SIPA1L1: variants seen among roughly 807,000 people sequenced by gnomAD.
SIPA1L1 encodes the protein signal-induced proliferation-associated 1-like protein 1.
In SIPA1L1, 26 loss-of-function variants were observed where a neutral mutation model predicts 162.7. The ratio of observed to expected loss-of-function variants is 0.16; its 90% CI spans 0.12 to 0.22. The LOEUF (loss-of-function observed/expected upper bound fraction) is 0.22. Among genes scored for constraint, SIPA1L1 ranks in the 10% least tolerant of loss-of-function variants. SIPA1L1 has a pLI of 1.00. For missense variants in SIPA1L1, 1,874 were observed against 2,241.0 expected (o/e 0.84, Z 3.31); for synonymous variants, 829 against 837.4 (o/e 0.99, Z 0.17).
intron 15 of SIPA1L1, 67 bp downstream of exon 15, chr14:71,702,572 T>C (rs776215276): frequency 6.9e-5 from 97 of 1,397,282 alleles, no homozygotes; most frequent in Non-Finnish European, 8.8e-5. Context: ...CTCTTGATGA[T>C]GTTATCAAAA....
intron 14 of SIPA1L1, among the ~76,000 whole-genome samples, chr14:71,699,372 T>A (rs1175432944): frequency 6.6e-6 from 1 of 152,240 alleles, no homozygotes; most frequent in East Asian, 1.9e-4. Flanking sequence ...CAAATTGCAT[T>A]AGTTTGTCCA....
intron 2 of SIPA1L1, among the ~76,000 whole-genome samples, chr14:71,347,161 G>A (rs1167816959): frequency 3.3e-5 from 5 of 150,628 alleles, no homozygotes; most frequent in South Asian, 4.2e-4. Context: ...GGGTATCACC[G>A]CGTTGGCCAG....
At chr14:71,613,412 A>AATGCTT (rs2038449996) in intron 5 of SIPA1L1, among the ~76,000 whole-genome samples, 1 of 152,044 alleles carries the variant, frequency 6.6e-6, no homozygotes, top group East Asian at 1.9e-4. Context: ...TACTTGGCAA[A>AATGCTT]ATGCTTTGCT....
At chr14:71,599,465 T>C (rs1408455310) in intron 5 of SIPA1L1, among the ~76,000 whole-genome samples, 2 of 151,270 alleles carry the variant, frequency 1.3e-5, no homozygotes, top group East Asian at 1.9e-4. Context: ...TCATTCTTTT[T>C]TTTTTTTTTT....
Position 71,588,848 on chromosome 14 carries a change from A to G in SIPA1L1, c.976A>G (p.Thr326Ala), listed in dbSNP as rs755937947. The part of the protein sequence containing the change: ...NRSEDSVRPW[T>A]CPKCFAHYDV... ...ATCAGAAGACTCTGTCAGGCCCTGG[A>G]CATGTCCAAAGTGCTTTGCCCACTA... The change falls in exon 5 of 24, where the codon ACA becomes GCA. Residue 326 changes from threonine (T) to alanine (A), a missense_variant. Physicochemically the swap from Thr to Ala is moderately conservative, Grantham distance 58. Transcript: ENST00000381232. The surrounding 1 kb of genome is among the most constrained non-coding windows in gnomAD (Gnocchi z 4.3). The G allele has an allele frequency of 3.1e-6, 5 of 1,614,138 alleles. No homozygotes were observed. In the Admixed American group the frequency reaches 6.7e-5, roughly 22 times the overall value.
intron 22 of SIPA1L1, among the ~76,000 whole-genome samples, chr14:71,736,056 A>C (rs886712466): frequency 2.0e-5 from 3 of 152,188 alleles, no homozygotes; most frequent in Non-Finnish European, 4.4e-5. Context: ...TTTAGTAAGC[A>C]CTTCTTGTTG....
At chr14:71,584,780 T>C (rs2034375245) in intron 4 of SIPA1L1, among the ~76,000 whole-genome samples, 1 of 152,226 alleles carries the variant, frequency 6.6e-6, no homozygotes, top group South Asian at 2.1e-4. Context: ...AAATTAAACA[T>C]GTAATAAGGA....
chr14:71,543,892 ATACG>A (rs1318901223), intron 4 of SIPA1L1, among the ~76,000 whole-genome samples: 1 of 113,278 alleles, frequency 8.8e-6, no homozygotes, highest in Non-Finnish European at 1.9e-5. Flanking sequence ...TACATATATC[ATACG>A]TATATGTGTG....
intron 12 of SIPA1L1, among the ~76,000 whole-genome samples, chr14:71,681,833 TAAAAGAG>T (rs1285165451): frequency 1.3e-5 from 2 of 152,178 alleles, no homozygotes; most frequent in African/African-American, 4.8e-5. Context: ...AAATAAAAGA[TAAAAGAG>T]AAAGAATACA....
At chr14:71,445,559 C>A (rs554915699) in intron 2 of SIPA1L1, among the ~76,000 whole-genome samples, 4 of 151,950 alleles carry the variant, frequency 2.6e-5, no homozygotes, top group Non-Finnish European at 4.4e-5. Context: ...TCTCTCAAAT[C>A]GGTTGTACTG....
chr14:71,608,733 A>G (rs1248749235), intron 5 of SIPA1L1, among the ~76,000 whole-genome samples: 1 of 152,096 alleles, frequency 6.6e-6, no homozygotes, highest in African/African-American at 2.4e-5. Flanking sequence ...CGTCTCTACT[A>G]AAAATACAGA....
intron 19 of SIPA1L1, among the ~76,000 whole-genome samples, chr14:71,729,234 C>G (rs191706488): frequency 2.0e-5 from 3 of 152,114 alleles, no homozygotes; most frequent in African/African-American, 7.2e-5. Context: ...CGGGGTTTCA[C>G]CATGTTGGCC....
chr14:71,458,614 C>G (rs553342795), intron 2 of SIPA1L1, among the ~76,000 whole-genome samples: 3 of 152,082 alleles, frequency 2.0e-5, no homozygotes, highest in Non-Finnish European at 4.4e-5. Context: ...TGAATTGATT[C>G]AACTATTTAA....
In SIPA1L1 at chr14:71,378,237, T is replaced by C. The variant is rs528447589; in HGVS notation, c.-465+57056T>C. ...TCATTTCAGTGACTTCTGTTTTCTG[T>C]TATTTTCTTCTTTCTATTTTGGGTT... On this transcript the variant is annotated intron_variant, in intron 2 of 23. Transcript: ENST00000381232. Among the ~76,000 whole-genome samples the C allele has an allele frequency of 5.9e-5, 9 of 152,246 alleles. 1 individual carries two copies. The South Asian group carries it at 1.9e-3, about 31-fold the overall frequency.
chr14:71,395,918 T>C (rs957768340), intron 2 of SIPA1L1, among the ~76,000 whole-genome samples: 3 of 152,204 alleles, frequency 2.0e-5, no homozygotes, highest in African/African-American at 7.2e-5. Context: ...AGCCACCGAG[T>C]AGTAACTTGC....
intron 4 of SIPA1L1, among the ~76,000 whole-genome samples, chr14:71,542,704 CCCTCCT>C (rs147003051): frequency 1.3e-3 from 137 of 105,860 alleles, no homozygotes; most frequent in South Asian, 4.3e-3. Context: ...TTCTCCTCCT[CCCTCCT>C]CCTCCTCCTC....
intron 2 of SIPA1L1, among the ~76,000 whole-genome samples, chr14:71,340,701 C>G (rs13379180): frequency 6.6e-6 from 1 of 152,018 alleles, no homozygotes; most frequent in Admixed American, 6.6e-5. Flanking sequence ...GTAGGCTTTA[C>G]TGAGAAAAAT....
intron 2 of SIPA1L1, among the ~76,000 whole-genome samples, chr14:71,440,233 C>G (rs1032546335): frequency 6.6e-6 from 1 of 152,048 alleles, no homozygotes; most frequent in South Asian, 2.1e-4. Context: ...CACCATGTTG[C>G]CCAGGCTGGT....
chr14:71,331,004 T>C (rs2034472833), intron 2 of SIPA1L1, among the ~76,000 whole-genome samples: 1 of 152,234 alleles, frequency 6.6e-6, no homozygotes, highest in African/African-American at 2.4e-5. Flanking sequence ...AGCTTTTTCT[T>C]TATATTTTCT....
Sources: allele counts gnomAD v4.1 joint callset (sites outside exome capture counted in the v4.1 genomes callset), GRCh38; gene constraint gnomAD v4.1.1; non-coding constraint Gnocchi (gnomAD v3.1); transcripts MANE v1.5; gene names NCBI Gene and HGNC (gene_info 2026-07-23, HGNC 2026-07-21).